Variants in PIN4 observed in about 807,000 individuals in gnomAD.
PIN4 encodes the protein peptidyl-prolyl cis-trans isomerase NIMA-interacting 4.
A neutral mutation model predicts 8.3 loss-of-function variants in PIN4; 3 were observed. The ratio of observed to expected loss-of-function variants is 0.36; its 90% CI spans 0.16 to 0.93. The LOEUF (loss-of-function observed/expected upper bound fraction) is 0.93. Among genes scored for constraint, PIN4 ranks in the 40% least tolerant of loss-of-function variants. The probability of loss-of-function intolerance (pLI) is 0.44; values close to 1 mark genes in which losing one functional copy is unlikely to be tolerated. For missense variants in PIN4, 75 were observed against 100.6 expected (o/e 0.75, Z 1.09); for synonymous variants, 18 against 32.5 (o/e 0.55, Z 1.52).
At chrX:72,208,734 C>T (rs1479370140) in intron 3 of PIN4, 1 of 1,073,266 alleles carries the variant, frequency 9.3e-7, no homozygotes, top group East Asian at 3.0e-5. Context: ...AGAAAGGAAA[C>T]ATTGAACATT....
chrX:72,201,436 A>T (rs113748455), downstream of PIN4, among the ~76,000 whole-genome samples: 11,141 of 110,243 alleles, frequency 0.1, 760 homozygotes, highest in East Asian at 0.47. Flanking sequence ...TACCAAAAAT[A>T]CAAAAAATTA....
intron 3 of PIN4, among the ~76,000 whole-genome samples, chrX:72,239,730 C>G (rs749906149): frequency 2.0e-5 from 2 of 101,645 alleles, no homozygotes; most frequent in Admixed American, 1.1e-4. Context: ...CGGGATTGCA[C>G]CACTGCACTC....
At position 72,197,400 on chromosome X, in the gene PIN4, G is replaced by A; in HGVS notation, c.270G>A (p.Met90Ile). The A allele has an allele frequency of 8.3e-7, 1 of 1,206,905 alleles. No individual in the cohort carries two copies. Among genetic ancestry groups the A allele is most frequent in the South Asian group, 1.8e-5 (1 of 56,480 alleles). ...TGGGTTGGATGACCAGAGGGTCCAT[G>A]GTGGGACCATTTCAAGAAGCAGCAT... is the stretch of plus-strand genomic sequence containing the variant. ...GDLGWMTRGS[M>I]VGPFQEAAFA... The change falls in exon 4 of 4, where the codon ATG becomes ATA. Residue 90 changes from methionine (M) to isoleucine (I), a missense_variant. By Grantham distance (10) the Met-to-Ile change is conservative. Coordinates refer to ENST00000373669, the MANE Select transcript of PIN4 (RefSeq NM_006223.4).
At position 72,181,782 on chromosome X, in the gene PIN4, C is replaced by G. The variant is rs1161859993; in HGVS notation, c.-4C>G. 8.3e-7 allele frequency: 1 copy of G among 1,198,750 alleles called. No individual in the cohort carries two copies. The highest frequency in any genetic ancestry group is 3.0e-5 in the East Asian group (1 of 33,805). ...GGTTCAGCGTTCAACAACAAGCTTCCAAGATGCCGCCCAAAGGAAAAAGTG... is the reference window on the plus strand; with the variant it reads ...GGTTCAGCGTTCAACAACAAGCTTCGAAGATGCCGCCCAAAGGAAAAAGTG... On this transcript the variant is annotated 5_prime_UTR_variant, in exon 1 of 4. Coordinates refer to ENST00000373669, the MANE Select transcript of PIN4 (RefSeq NM_006223.4).
rs192207825 is a variant in PIN4 at position 72,219,677 on chromosome X, G to A, written c.312+22773G>A. ...AGCCTGACCAACATGAAGAAGCCCC[G>A]CCTCTACTAAAAATACAAAAAAATT... is the stretch of plus-strand genomic sequence containing the variant. On this transcript the variant is annotated intron_variant, in intron 3 of 3. Transcript: ENST00000423432. Among the ~76,000 whole-genome samples, 401 of 106,600 alleles carry A rather than the reference G, an allele frequency of 3.8e-3. 2 individuals are homozygous for A. Among genetic ancestry groups the A allele is most frequent in the African/African-American group, 0.013 (387 of 29,092 alleles). 92.6% of individuals were successfully genotyped at this position (106,600 alleles called of 115,157 possible). A position where few individuals can be genotyped will look rare whatever the true frequency, so the allele number is the denominator to read the frequency against.
intron 3 of PIN4, chrX:72,256,071 TA>T (rs1569493452): frequency 9.0e-6 from 1 of 111,670 alleles, no homozygotes. Flanking sequence ...GAGTCAAACA[TA>T]AAGGGCCATG....
chrX:72,185,427 C>G (rs1302552918), intron 1 of PIN4, among the ~76,000 whole-genome samples: 1 of 111,772 alleles, frequency 8.9e-6, no homozygotes, highest in Non-Finnish European at 1.9e-5. Flanking sequence ...GCTCCAGTGT[C>G]CCTCTGTGCT....
At chrX:72,186,701 T>C (rs1290776133) in intron 2 of PIN4, among the ~76,000 whole-genome samples, 167 bp downstream of exon 2, 1 of 112,064 alleles carries the variant, frequency 8.9e-6, no homozygotes, top group Non-Finnish European at 1.9e-5. Flanking sequence ...CCCAGCACTT[T>C]GGGAGGCCAA....
chrX:72,205,548 C>G, intron 3 of PIN4: 1 of 1,211,006 alleles, frequency 8.3e-7, no homozygotes. Flanking sequence ...ATGAAAAGAA[C>G]CTTCCTGGTG....
Position 72,238,956 on chromosome X carries a change from TTGGAGC to T in PIN4, c.313-23749_313-23744del, listed in dbSNP as rs1569492595. ...AGTTACCCCGGCGGGAGTTTGGAGC[TTGGAGC>T]TTGGAGCTTGGAGCTTGGAGCTTAG... On this transcript the variant is annotated intron_variant, in intron 3 of 3. Transcript: ENST00000423432. 1.8e-5 allele frequency: 17 copies of T among 967,724 alleles called. No homozygotes were observed. In the African/African-American group the frequency reaches 2.5e-4, roughly 14 times the overall value. The allele number at this position is 967,724 out of a possible 1,213,427, so 79.8% of individuals were successfully genotyped here. A position where few individuals can be genotyped will look rare whatever the true frequency, so the allele number is the denominator to read the frequency against.
Position 72,182,553 on chromosome X carries a change from AAAG to A in PIN4, c.43+727_43+729del, listed in dbSNP as rs201414912. The stretch of plus-strand genomic sequence containing the variant: ...AGCGAGCCTCTGTCTCAAAAAAAAA[AAAG>A]AGATTTTGGCCTTAAGGAGCTCCCG... On this transcript the variant is annotated intron_variant, in intron 1 of 3. Transcript: ENST00000373669. Among the ~76,000 whole-genome samples, 1,054 of 110,859 alleles carry A rather than the reference AAAG, an allele frequency of 9.5e-3. 12 individuals are homozygous for A. The highest frequency in any genetic ancestry group is 0.033 in the African/African-American group (1,008 of 30,429).
At chrX:72,205,558 G>A (rs1403690944) in intron 3 of PIN4, 1 of 1,210,846 alleles carries the variant, frequency 8.3e-7, no homozygotes, top group Non-Finnish European at 1.1e-6. Flanking sequence ...CCTTCCTGGT[G>A]GACTGATGTC....
intron 3 of PIN4, among the ~76,000 whole-genome samples, chrX:72,243,571 T>G (rs1241321366): frequency 1.8e-5 from 2 of 112,013 alleles, no homozygotes; most frequent in Admixed American, 1.9e-4. Flanking sequence ...ATTATCCTCT[T>G]CTCTGCTTCT....
chrX:72,206,273 T>C, intron 3 of PIN4: 2 of 1,208,281 alleles, frequency 1.7e-6, no homozygotes, highest in South Asian at 1.8e-5. Context: ...CTTTTTTCCA[T>C]TCCCAATGAA....
intron 3 of PIN4, among the ~76,000 whole-genome samples, chrX:72,241,686 C>G (rs2043049724): frequency 9.0e-6 from 1 of 111,048 alleles, no homozygotes; most frequent in Admixed American, 9.6e-5. Context: ...CATGGTGGCA[C>G]ATGCCTGTAA....
At chrX:72,201,576 T>A (rs56057141), downstream of PIN4, among the ~76,000 whole-genome samples, 31,933 of 111,353 alleles carry the variant, frequency 0.29, 3,563 homozygotes, top group East Asian at 0.5. Context: ...GCCACTGCAC[T>A]CCCACCTGGG....
chrX:72,246,732 A>G (rs938083169), intron 3 of PIN4, among the ~76,000 whole-genome samples: 1 of 110,316 alleles, frequency 9.1e-6, no homozygotes, highest in Non-Finnish European at 1.9e-5. Context: ...TCACCTCACT[A>G]TTGTCTATTC....
At chrX:72,262,770 G>T (rs762232589) in exon 4 of PIN4, 1 of 1,138,040 alleles carries the variant, frequency 8.8e-7, no homozygotes, top group Non-Finnish European at 1.2e-6. Flanking sequence ...CATCTCATTG[G>T]TATCATATTT....
chrX:72,213,532 C>T (rs1040236845), intron 3 of PIN4, among the ~76,000 whole-genome samples: 26 of 111,728 alleles, frequency 2.3e-4, no homozygotes, highest in Admixed American at 2.3e-3. Flanking sequence ...GCTGAGCTTT[C>T]GCTCACCGTC....
Sources: gnomAD v4.1 joint callset for allele counts (sites outside exome capture counted in the v4.1 genomes callset) on GRCh38, gnomAD v4.1.1 for gene constraint, MANE v1.5 for transcripts, NCBI Gene and HGNC (gene_info 2026-07-23, HGNC 2026-07-21) for gene names.